Variants in CACNA2D3 observed in about 807,000 individuals in gnomAD.
The protein encoded by CACNA2D3 is calcium voltage-gated channel auxiliary subunit alpha2delta 3.
CACNA2D3 carries 60 observed loss-of-function variants against 160.6 expected under a neutral mutation model. The observed-to-expected ratio is 0.37, with a 90% CI of 0.30 to 0.46. The LOEUF (loss-of-function observed/expected upper bound fraction) is 0.46. CACNA2D3 is among the 20% of genes least tolerant of loss of function. CACNA2D3 has a pLI of 1.00. For missense variants in CACNA2D3, 1,205 were observed against 1,365.0 expected (o/e 0.88, Z 1.85); for synonymous variants, 558 against 492.9 (o/e 1.13, Z -1.75).
chr3:54,773,104 T>C (rs1451179762), intron 13 of CACNA2D3, among the ~76,000 whole-genome samples: 1 of 152,234 alleles, frequency 6.6e-6, no homozygotes, highest in African/African-American at 2.4e-5. Context: ...CAAACCAATT[T>C]AGTTGCATTT....
intron 35 of CACNA2D3, among the ~76,000 whole-genome samples, 169 bp from the exon 36 acceptor site, chr3:55,073,276 T>TGTAA (rs1188582794): frequency 1.3e-5 from 2 of 152,196 alleles, no homozygotes; most frequent in Admixed American, 6.5e-5. Flanking sequence ...GCTAGGTATT[T>TGTAA]GTAAGTGAAG....
chr3:54,351,781 C>T (rs191645945), intron 3 of CACNA2D3, among the ~76,000 whole-genome samples: 38 of 152,310 alleles, frequency 2.5e-4, no homozygotes, highest in African/African-American at 8.9e-4. Context: ...TAAAGCACAT[C>T]CTAGTTTTAT....
chr3:54,775,551 T>A (rs1702410746), intron 13 of CACNA2D3, among the ~76,000 whole-genome samples: 1 of 152,188 alleles, frequency 6.6e-6, no homozygotes. Flanking sequence ...TCGTATAGGA[T>A]TCTCTGCTGT....
chr3:54,826,236 A>G (rs1265282530), intron 14 of CACNA2D3, among the ~76,000 whole-genome samples: 1 of 152,058 alleles, frequency 6.6e-6, no homozygotes, highest in African/African-American at 2.4e-5. Flanking sequence ...ACAAACCCAA[A>G]TGTAGCCCAC....
intron 2 of CACNA2D3, among the ~76,000 whole-genome samples, chr3:54,271,743 A>G (rs1009007682): frequency 1.3e-5 from 2 of 152,200 alleles, no homozygotes; most frequent in Non-Finnish European, 2.9e-5. Flanking sequence ...AAGGACCTAC[A>G]TAGAGCCAAG....
rs1701517144 is a variant in CACNA2D3, at chr3:54,736,101, ATATATAT to A, written c.1168-16497_1168-16491del. ...TATATATGTATGTGTATATATATACATATATATGTATATATATACATATATATATGTA... is the reference window on the plus strand; with the variant it reads ...TATATATGTATGTGTATATATATACAGTATATATATACATATATATATGTA... On this transcript the variant is annotated intron_variant, in intron 11 of 37. Coordinates refer to ENST00000474759, the MANE Select transcript of CACNA2D3 (RefSeq NM_018398.3). Among the ~76,000 whole-genome samples the A allele has an allele frequency of 3.5e-4, 6 of 17,004 alleles. 1 individual carries two copies. The highest frequency in any genetic ancestry group is 1.7e-3 in the South Asian group (1 of 578). The allele number at this position is 17,004 out of a possible 152,430, so 11.2% of individuals were successfully genotyped here.
chr3:55,043,084 G>C (rs552671676), intron 35 of CACNA2D3, among the ~76,000 whole-genome samples: 73 of 152,302 alleles, frequency 4.8e-4, no homozygotes, highest in African/African-American at 1.5e-3. Flanking sequence ...GTAGGTGTTT[G>C]TATGAACATA....
At chr3:54,833,520 C>T (rs779494603) in intron 14 of CACNA2D3, among the ~76,000 whole-genome samples, 1 of 151,982 alleles carries the variant, frequency 6.6e-6, no homozygotes. Context: ...AGGGACCCCC[C>T]TAGCAACGTG....
chr3:54,715,115 T>C (rs1274987880), intron 11 of CACNA2D3, among the ~76,000 whole-genome samples: 6 of 152,210 alleles, frequency 3.9e-5, no homozygotes, highest in Non-Finnish European at 8.8e-5. Flanking sequence ...CAGTTGCAAG[T>C]AGTAGATTGT....
chr3:54,819,958 G>A (rs558822107), intron 14 of CACNA2D3, among the ~76,000 whole-genome samples: 20 of 152,054 alleles, frequency 1.3e-4, no homozygotes, highest in East Asian at 3.9e-4. Flanking sequence ...AAAATTTGTC[G>A]GGAGAATTGT....
intron 2 of CACNA2D3, among the ~76,000 whole-genome samples, chr3:54,139,180 T>C (rs768519272): frequency 4.6e-5 from 7 of 152,230 alleles, no homozygotes; most frequent in Non-Finnish European, 7.3e-5. Flanking sequence ...TCCTGGTGCG[T>C]TCCACCATGA....
rs1702577304 is a variant in CACNA2D3 at position 54,984,663 on chromosome 3, A to G, written c.2612A>G (p.Tyr871Cys). 1.3e-6 allele frequency: 2 copies of G among 1,560,528 alleles called. No homozygotes were observed. The highest frequency in any genetic ancestry group is 1.4e-5 in the African/African-American group (1 of 73,594). ...GGATTTATTTTGGTGTCTGAAGACT[A>G]CACACAGGTGAGTGAAAATTTTCTA... ...NNGFILVSED[Y>C]TQTGDFFGEI... Residue 871 changes from tyrosine (Y) to cysteine (C), a missense_variant, in exon 30 of 38, where the codon TAC becomes TGC. Transcript: ENST00000474759.
intron 5 of CACNA2D3, among the ~76,000 whole-genome samples, chr3:54,536,353 A>G (rs554427584): frequency 4.3e-4 from 65 of 152,208 alleles, no homozygotes; most frequent in African/African-American, 1.5e-3. Context: ...TGCTGTGAAC[A>G]TTTTTGTGCA....
At chr3:54,241,755 C>T (rs1051323152) in intron 2 of CACNA2D3, among the ~76,000 whole-genome samples, 2 of 152,214 alleles carry the variant, frequency 1.3e-5, no homozygotes, top group African/African-American at 4.8e-5. Flanking sequence ...TCTAGGGCCA[C>T]AGTCAGCAGT....
chr3:54,242,292 A>C (rs143384842), intron 2 of CACNA2D3, among the ~76,000 whole-genome samples: 2 of 151,972 alleles, frequency 1.3e-5, no homozygotes, highest in East Asian at 1.9e-4. Context: ...ACAAACAAAC[A>C]AAAAGCCAGG....
At chr3:54,321,166 A>G (rs1293987500) in intron 3 of CACNA2D3, among the ~76,000 whole-genome samples, 1 of 152,054 alleles carries the variant, frequency 6.6e-6, no homozygotes, top group Non-Finnish European at 1.5e-5. Context: ...CTAAAAATAT[A>G]AAAATTAGCC....
chr3:54,487,227 G>A (rs542958898), intron 4 of CACNA2D3, among the ~76,000 whole-genome samples: 4 of 152,224 alleles, frequency 2.6e-5, no homozygotes, highest in Non-Finnish European at 4.4e-5. Flanking sequence ...AATTAGCTGG[G>A]AATGGTGGCA....
At chr3:54,471,935 C>G (rs946137570) in intron 4 of CACNA2D3, among the ~76,000 whole-genome samples, 6 of 152,006 alleles carry the variant, frequency 3.9e-5, no homozygotes, top group African/African-American at 1.4e-4. Flanking sequence ...AGTCCTGGAC[C>G]AGATGAATTC....
At chr3:54,683,065 T>G (rs1228027419) in intron 11 of CACNA2D3, among the ~76,000 whole-genome samples, 5 of 152,216 alleles carry the variant, frequency 3.3e-5, no homozygotes, top group African/African-American at 1.2e-4. Flanking sequence ...TTGTATCCTC[T>G]TCCCCTTCAT....
Sources: gnomAD v4.1 joint callset for allele counts (sites outside exome capture counted in the v4.1 genomes callset) on GRCh38, gnomAD v4.1.1 for gene constraint, MANE v1.5 for transcripts, NCBI Gene and HGNC (gene_info 2026-07-23, HGNC 2026-07-21) for gene names.